Variants in PIK3C2A observed in about 807,000 individuals in gnomAD.
PIK3C2A encodes the protein phosphatidylinositol-4-phosphate 3-kinase catalytic subunit type 2 alpha.
A neutral mutation model predicts 204.5 loss-of-function variants in PIK3C2A; 97 were observed. That is an observed-to-expected ratio of 0.47 (90% CI 0.40 to 0.56). PIK3C2A has a LOEUF of 0.56. PIK3C2A is among the 20% of genes least tolerant of loss of function. PIK3C2A has a pLI of 0.00. For synonymous variants in PIK3C2A, 653 were observed against 664.4 expected (o/e 0.98, Z 0.26); for missense variants, 1,735 against 1,969.2 (o/e 0.88, Z 2.25).
At chr11:17,150,794 G>A (rs1288477864) in intron 3 of PIK3C2A, 139 bp from the exon 4 acceptor site, 1 of 461,492 alleles carries the variant, frequency 2.2e-6, no homozygotes, top group Non-Finnish European at 3.7e-6. Context: ...TGCAATGAAT[G>A]AGCTCCTGTT....
At chr11:17,140,202 C>G (rs986140450) in intron 8 of PIK3C2A, among the ~76,000 whole-genome samples, 36 of 152,036 alleles carry the variant, frequency 2.4e-4, no homozygotes, top group Admixed American at 2.0e-3. Flanking sequence ...ATCTCTTGAG[C>G]CCAGGAGTTT....
rs548649183 is a variant in PIK3C2A, at chr11:17,205,612, A to G, written c.-66+2236T>C. Among the ~76,000 whole-genome samples, 9 of 152,266 alleles carry G rather than the reference A, an allele frequency of 5.9e-5. No individual in the cohort carries two copies. In the South Asian group the frequency reaches 1.7e-3, roughly 28 times the overall value. On this transcript the variant is annotated intron_variant, in intron 1 of 32. Transcript: ENST00000691414. ...TCAGGAAATTCAACACTCTTTAGGT[A>G]TAAGTTCACTTATTGAATGTGCTTA...
intron 1 of PIK3C2A, among the ~76,000 whole-genome samples, chr11:17,179,815 T>A (rs1457392429): frequency 6.6e-6 from 1 of 152,088 alleles, no homozygotes; most frequent in Non-Finnish European, 1.5e-5. Flanking sequence ...GGTCTGGTTA[T>A]ATTGCCCAGG....
intron 1 of PIK3C2A, among the ~76,000 whole-genome samples, chr11:17,195,726 G>A (rs1201743000): frequency 2.8e-5 from 4 of 145,208 alleles, no homozygotes; most frequent in African/African-American, 1.0e-4. Context: ...CTGGGAGACA[G>A]AGCAAGACTC....
intron 19 of PIK3C2A, among the ~76,000 whole-genome samples, chr11:17,115,113 C>T (rs1404209667): frequency 6.6e-6 from 1 of 152,038 alleles, no homozygotes; most frequent in Non-Finnish European, 1.5e-5. Flanking sequence ...GCAATGGATA[C>T]ACGGTTCCTA....
At chr11:17,109,185 T>C (rs940331626) in intron 22 of PIK3C2A, among the ~76,000 whole-genome samples, 1 of 152,250 alleles carries the variant, frequency 6.6e-6, no homozygotes, top group Non-Finnish European at 1.5e-5. Context: ...ATTTGTGAAG[T>C]GTTTCTCATT....
intron 23 of PIK3C2A, among the ~76,000 whole-genome samples, chr11:17,104,626 G>A (rs1475815015): frequency 6.6e-6 from 1 of 151,102 alleles, no homozygotes; most frequent in Non-Finnish European, 1.5e-5. Context: ...TTGGGAGGCT[G>A]AGGCAGGAGA....
chr11:17,116,001 G>A (rs1347310237), intron 19 of PIK3C2A, among the ~76,000 whole-genome samples: 1 of 152,024 alleles, frequency 6.6e-6, no homozygotes, highest in East Asian at 1.9e-4. Context: ...TCTTAGATAT[G>A]ACACTAAAAG....
chr11:17,201,970 C>A (rs938455987), intron 1 of PIK3C2A, among the ~76,000 whole-genome samples: 1 of 152,092 alleles, frequency 6.6e-6, no homozygotes, highest in African/African-American at 2.4e-5. Flanking sequence ...GAAAAGAATA[C>A]TGGGGCCCGG....
At chr11:17,136,018 G>A (rs1401313214) in intron 9 of PIK3C2A, among the ~76,000 whole-genome samples, 1 of 152,174 alleles carries the variant, frequency 6.6e-6, no homozygotes, top group Non-Finnish European at 1.5e-5. Flanking sequence ...CTAAAGGGAA[G>A]GCCCCTAACT....
At chr11:17,190,251 A>G (rs912804346) in intron 1 of PIK3C2A, among the ~76,000 whole-genome samples, 1 of 151,670 alleles carries the variant, frequency 6.6e-6, no homozygotes, top group Non-Finnish European at 1.5e-5. Flanking sequence ...CAACAGAGTG[A>G]GACTCCATCT....
At chr11:17,125,675 T>C (rs1173945160) in intron 13 of PIK3C2A, among the ~76,000 whole-genome samples, 1 of 152,100 alleles carries the variant, frequency 6.6e-6, no homozygotes, top group African/African-American at 2.4e-5. Flanking sequence ...CCACCATACC[T>C]GGCTATAACT....
intron 11 of PIK3C2A, among the ~76,000 whole-genome samples, chr11:17,133,407 G>A (rs1398842921): frequency 6.6e-6 from 1 of 151,894 alleles, no homozygotes; most frequent in East Asian, 1.9e-4. Flanking sequence ...CTGAATCCCC[G>A]GTACTAAGAA....
intron 5 of PIK3C2A, chr11:17,148,435 C>CTA: frequency 2.3e-6 from 1 of 442,938 alleles, no homozygotes; most frequent in Non-Finnish European, 4.1e-6. Context: ...CCTGTAAAGA[C>CTA]TACAAGCTCC....
rs759197898 is a variant in PIK3C2A, at chr11:17,091,358, C to T, written c.4854G>A (p.Thr1618=). The T allele has an allele frequency of 2.8e-5, 45 of 1,613,264 alleles. No individual in the cohort carries two copies. The Admixed American group carries it at 5.8e-4, about 21-fold the overall frequency. The change falls in exon 32 of 33, where the codon ACG becomes ACA. Residue 1618 remains threonine (T), a synonymous_variant. Coordinates refer to ENST00000691414, the MANE Select transcript of PIK3C2A (RefSeq NM_002645.4). ...CCATTTCATTGAATGTCGGATTCCT[C>T]GTTTTTCGTGAAATTTTGGTTTTAC... is the stretch of plus-strand genomic sequence containing the variant. ...SKRKTKISRK[T]RNPTFNEMLV... is the part of the protein sequence containing the mutation.
intron 22 of PIK3C2A, among the ~76,000 whole-genome samples, chr11:17,109,458 GT>G (rs1388473300): frequency 6.6e-6 from 1 of 152,092 alleles, no homozygotes; most frequent in African/African-American, 2.4e-5. Flanking sequence ...TTTCAAAACA[GT>G]TCAATAAATA....
chr11:17,119,941 C>T lies in PIK3C2A; in HGVS notation c.2691G>A (p.Glu897=), dbSNP rs200286344. ...LSKEDKAFLW[E]KRYYCFKHPN... ...GGTGTTTGAAGCAATAATAACGTTT[C>T]TCCCATAAAAAAGCTTTATCTTCTT... Residue 897 remains glutamate, a synonymous_variant, in exon 16 of 33, where the codon GAG becomes GAA. Transcript: ENST00000691414. 1 of 1,599,086 alleles carries T rather than the reference C, an allele frequency of 6.3e-7. No homozygotes were observed.
In PIK3C2A at chr11:17,098,558, G is replaced by A. The variant is rs372036130; in HGVS notation, c.4119-1294C>T. Among the ~76,000 whole-genome samples the A allele has an allele frequency of 4.6e-5, 7 of 152,298 alleles. No homozygotes were observed. The South Asian group carries it at 8.3e-4, about 18-fold the overall frequency. ...GTTATGGAAGTCTAAGCAGGCAGAC[G>A]AATACATGCCTGCTTTGTGGTTTTG... is the stretch of plus-strand genomic sequence containing the variant. On this transcript the variant is annotated intron_variant, in intron 26 of 32. Transcript: ENST00000691414.
At chr11:17,100,111 C>A in intron 25 of PIK3C2A, 142 bp from the exon 26 acceptor site, 1 of 457,570 alleles carries the variant, frequency 2.2e-6, no homozygotes, top group Non-Finnish European at 3.9e-6. Context: ...GTATTGGGGA[C>A]CTAGGTGATT....
Sources: allele counts gnomAD v4.1 joint callset (sites outside exome capture counted in the v4.1 genomes callset), GRCh38; gene constraint gnomAD v4.1.1; transcripts MANE v1.5; gene names NCBI Gene and HGNC (gene_info 2026-07-23, HGNC 2026-07-21).